Variants in PDZRN3 observed in about 807,000 individuals in gnomAD.
PDZRN3 encodes the protein PDZ domain containing ring finger 3.
Under a neutral mutation model 85.7 loss-of-function variants are expected in PDZRN3, and 38 were observed. The ratio of observed to expected loss-of-function variants is 0.44; its 90% CI spans 0.34 to 0.58. PDZRN3 has a LOEUF of 0.58. Ranked by LOEUF, PDZRN3 falls within the 20% of genes least tolerant of loss-of-function variation. PDZRN3 has a pLI of 0.01. For missense variants in PDZRN3, 1,629 were observed against 1,506.4 expected (o/e 1.08, Z -1.35); for synonymous variants, 759 against 638.0 (o/e 1.19, Z -2.86).
Position 73,586,871 on chromosome 3 carries a change from C to T in PDZRN3, c.918+15483G>A, listed in dbSNP as rs1702285578. Among the ~76,000 whole-genome samples the T allele has an allele frequency of 2.0e-5, 3 of 152,182 alleles. 1 individual carries two copies. In the South Asian group the frequency reaches 6.2e-4, roughly 32 times the overall value. The stretch of plus-strand genomic sequence containing the variant: ...GGTAAGTCTATGATGATGCAAACGA[C>T]CACCAGTTAATGCCATCCAACTGCT... On this transcript the variant is annotated intron_variant, in intron 3 of 9. Transcript: ENST00000263666.
intron 3 of PDZRN3, among the ~76,000 whole-genome samples, chr3:73,584,183 T>C (rs183045070): frequency 1.5e-3 from 234 of 152,210 alleles, no homozygotes; most frequent in African/African-American, 5.5e-3. Context: ...TTGCGACTTT[T>C]ACTTCAATGC....
At chr3:73,591,013 A>G (rs1284992533) in intron 3 of PDZRN3, among the ~76,000 whole-genome samples, 1 of 152,164 alleles carries the variant, frequency 6.6e-6, no homozygotes, top group African/African-American at 2.4e-5. Flanking sequence ...GAATGATCAA[A>G]CTGATATTTT....
At chr3:73,615,935 C>T (rs1702755300) in intron 1 of PDZRN3, among the ~76,000 whole-genome samples, 1 of 152,122 alleles carries the variant, frequency 6.6e-6, no homozygotes, top group South Asian at 2.1e-4. Flanking sequence ...ATATCTAATT[C>T]CAACATTGGA....
intron 3 of PDZRN3, among the ~76,000 whole-genome samples, chr3:73,434,183 G>A (rs1368079797): frequency 2.0e-5 from 3 of 152,164 alleles, no homozygotes; most frequent in Non-Finnish European, 4.4e-5. Flanking sequence ...AATTTTGCAA[G>A]CTATTTTCTG....
intron 1 of PDZRN3, among the ~76,000 whole-genome samples, chr3:73,613,208 G>A (rs1702710576): frequency 6.6e-6 from 1 of 152,158 alleles, no homozygotes; most frequent in African/African-American, 2.4e-5. Flanking sequence ...TTCTGAAGGT[G>A]GTGGGAGGAG....
rs1704044253 is a variant in PDZRN3, at chr3:73,504,933, G to A, written c.918+97421C>T. 2.0e-5 allele frequency among the ~76,000 whole-genome samples: 3 copies of A among 152,174 alleles called. No individual in the cohort carries two copies. The South Asian group carries it at 6.2e-4, about 32-fold the overall frequency. The stretch of plus-strand genomic sequence containing the variant: ...TGGGAAATTCTCTCCAAGTAAGTAT[G>A]GAAAAAGCAAAACAACAATGTTTTC... On this transcript the variant is annotated intron_variant, in intron 3 of 9. Transcript: ENST00000263666.
intron 3 of PDZRN3, chr3:73,569,164 T>A: frequency 7.8e-7 from 1 of 1,289,332 alleles, no homozygotes; most frequent in South Asian, 1.2e-5. Flanking sequence ...GTTAATCATG[T>A]TTGATTCTTC....
chr3:73,479,415 T>C (rs1265211212), intron 3 of PDZRN3, among the ~76,000 whole-genome samples: 1 of 152,114 alleles, frequency 6.6e-6, no homozygotes, highest in Non-Finnish European at 1.5e-5. Context: ...GACTTCCCTT[T>C]TCACTGTTAT....
chr3:73,602,804 G>C (rs1702534087), intron 2 of PDZRN3, among the ~76,000 whole-genome samples: 1 of 152,130 alleles, frequency 6.6e-6, no homozygotes, highest in African/African-American at 2.4e-5. Flanking sequence ...ATACAAATGT[G>C]ATTATGCTAG....
chr3:73,569,085 C>T, intron 3 of PDZRN3: 1 of 963,848 alleles, frequency 1.0e-6, no homozygotes, highest in Non-Finnish European at 1.4e-6. Flanking sequence ...GTATGTGCTG[C>T]AGCTGAACTT....
chr3:73,617,764 G>A (rs1274507873), intron 1 of PDZRN3, among the ~76,000 whole-genome samples: 3 of 151,958 alleles, frequency 2.0e-5, no homozygotes, highest in African/African-American at 4.8e-5. Flanking sequence ...GCACTGGCAC[G>A]ATCTGGTCTT....
chr3:73,447,608 CA>C (rs762840246), intron 3 of PDZRN3, among the ~76,000 whole-genome samples: 1 of 152,172 alleles, frequency 6.6e-6, no homozygotes, highest in Non-Finnish European at 1.5e-5. Flanking sequence ...TTGCCGCAAC[CA>C]AGAGCTTGTT....
chr3:73,584,269 G>C (rs1184113618), intron 3 of PDZRN3, among the ~76,000 whole-genome samples: 1 of 152,148 alleles, frequency 6.6e-6, no homozygotes, highest in Non-Finnish European at 1.5e-5. Context: ...GGTGGCACAG[G>C]GGTTAAGTTA....
intron 3 of PDZRN3, among the ~76,000 whole-genome samples, chr3:73,476,996 T>C (rs541388393): frequency 2.0e-5 from 3 of 152,328 alleles, no homozygotes; most frequent in Middle Eastern, 3.4e-3. Context: ...TTACACGCAA[T>C]AGATAACTAC....
At chr3:73,537,815 G>A (rs1372635321) in intron 3 of PDZRN3, among the ~76,000 whole-genome samples, 5 of 149,858 alleles carry the variant, frequency 3.3e-5, no homozygotes, top group South Asian at 2.1e-4. Flanking sequence ...AAGTAAAGAC[G>A]GGGTTTCACT....
intron 3 of PDZRN3, among the ~76,000 whole-genome samples, chr3:73,502,086 G>T (rs1339677421): frequency 2.6e-5 from 4 of 152,144 alleles, no homozygotes; most frequent in Admixed American, 2.6e-4. Flanking sequence ...TTGAATTGCT[G>T]CTAGCTTGTA....
intron 3 of PDZRN3, among the ~76,000 whole-genome samples, chr3:73,505,713 G>A (rs1704057692): frequency 6.6e-6 from 1 of 152,048 alleles, no homozygotes; most frequent in African/African-American, 2.4e-5. Flanking sequence ...TATCAGAAGA[G>A]CACACATATT....
At chr3:73,582,962 T>A (rs1702223648) in intron 3 of PDZRN3, among the ~76,000 whole-genome samples, 1 of 152,182 alleles carries the variant, frequency 6.6e-6, no homozygotes, top group African/African-American at 2.4e-5. Context: ...AGCCTTACAT[T>A]TTTTGCATTT....
chr3:73,595,806 C>T lies in PDZRN3; in HGVS notation c.918+6548G>A, dbSNP rs936469362. 2.6e-5 allele frequency among the ~76,000 whole-genome samples: 4 copies of T among 152,150 alleles called. No homozygotes were observed. The East Asian group carries it at 7.7e-4, about 29-fold the overall frequency. The stretch of plus-strand genomic sequence containing the variant: ...AGAGGTATTGATATAGGCATAGTTT[C>T]CAAGATATACAGATGGATGAATGCA... On this transcript the variant is annotated intron_variant, in intron 3 of 9. Transcript: ENST00000263666.
Sources: gnomAD v4.1 joint callset for allele counts (sites outside exome capture counted in the v4.1 genomes callset) on GRCh38, gnomAD v4.1.1 for gene constraint, MANE v1.5 for transcripts, NCBI Gene and HGNC (gene_info 2026-07-23, HGNC 2026-07-21) for gene names.